EIF1B: variants seen among roughly 807,000 people sequenced by gnomAD.
EIF1B encodes eukaryotic translation initiation factor 1B.
EIF1B carries 5 observed loss-of-function variants against 14.8 expected under a neutral mutation model. The observed-to-expected ratio is 0.34, with a 90% CI of 0.18 to 0.71. The LOEUF is 0.71. Among genes scored for constraint, EIF1B ranks in the 30% least tolerant of loss-of-function variants. The pLI, the probability that EIF1B is intolerant of heterozygous loss-of-function variation, is 0.64. For missense variants in EIF1B, 56 were observed against 134.0 expected (o/e 0.42, Z 2.87); for synonymous variants, 45 against 45.8 (o/e 0.98, Z 0.07).
chr3:40,311,680 A>G (rs1289715849), intron 3 of EIF1B, 109 bp downstream of exon 3: 1 of 888,908 alleles, frequency 1.1e-6, no homozygotes, highest in African/African-American at 1.7e-5. Flanking sequence ...AATGAAGGAA[A>G]TTAGGTGAAA....
chr3:40,311,447 T>A, intron 2 of EIF1B, 23 bp from the exon 3 acceptor site: 1 of 1,562,096 alleles, frequency 6.4e-7, no homozygotes, highest in South Asian at 1.1e-5. Flanking sequence ...TAAATTTTGT[T>A]GTATATTTAT....
chr3:40,311,102 C>T (rs1398562417), intron 2 of EIF1B, 46 bp downstream of exon 2: 4 of 1,565,800 alleles, frequency 2.6e-6, no homozygotes, highest in Non-Finnish European at 3.5e-6. Flanking sequence ...ATGCACACCT[C>T]TGAACTGGAT....
chr3:40,311,357 CTG>C (rs1175805766), intron 2 of EIF1B, 111 bp from the exon 3 acceptor site: 1 of 735,336 alleles, frequency 1.4e-6, no homozygotes, highest in Admixed American at 3.1e-5. Context: ...GAGACAAAAT[CTG>C]TTTCTCTAAA....
Position 40,312,131 on chromosome 3 carries a change from A to G in EIF1B, c.*117A>G. On this transcript the variant is annotated 3_prime_UTR_variant, in exon 4 of 4. Transcript: ENST00000232905. ...GACTTTTCATTTATTTAATCATTCA[A>G]ACTTCCATTCACATCTGCATGATTA... The G allele has an allele frequency of 2.6e-6, 2 of 766,842 alleles. No homozygotes were observed. The highest frequency in any genetic ancestry group is 4.5e-6 in the Non-Finnish European group (2 of 440,996). The allele number at this position is 766,842 out of a possible 1,614,324, so 47.5% of individuals were successfully genotyped here. A position where few individuals can be genotyped will look rare whatever the true frequency, so the allele number is the denominator to read the frequency against.
rs1279248984 is a variant in EIF1B at position 40,309,716 on chromosome 3, C to T, written c.-226C>T. ...ATCGGCCATTTTGTGCGAGAAGCCG[C>T]AGCGCCGCCTCTTCTCTCGCGCCCT... On this transcript the variant is annotated 5_prime_UTR_variant, in exon 1 of 4. Transcript: ENST00000232905. 3.5e-6 allele frequency: 2 copies of T among 575,466 alleles called. No individual in the cohort carries two copies. Among genetic ancestry groups the T allele is most frequent in the South Asian group, 2.2e-5 (1 of 45,366 alleles). The allele number at this position is 575,466 out of a possible 1,614,324, so 35.6% of individuals were successfully genotyped here.
intron 3 of EIF1B, 50 bp downstream of exon 3, chr3:40,311,621 G>A: frequency 7.2e-7 from 1 of 1,379,758 alleles, no homozygotes; most frequent in Non-Finnish European, 1.0e-6. Context: ...TTTTAAAATT[G>A]TATTTAAAGG....
At position 40,309,755 on chromosome 3, in the gene EIF1B, G is replaced by A; in HGVS notation, c.-187G>A. ...CTCTCGCGCCCTCGCCTCTTCCTCC[G>A]CCTCCTCCTTCGCCTCTTCCTGCCT... On this transcript the variant is annotated 5_prime_UTR_variant, in exon 1 of 4. Transcript: ENST00000232905. 1 of 630,590 alleles carries A rather than the reference G, an allele frequency of 1.6e-6. No individual in the cohort carries two copies. The highest frequency in any genetic ancestry group is 2.7e-6 in the Non-Finnish European group (1 of 364,578). 39.1% of individuals were successfully genotyped at this position (630,590 alleles called of 1,614,324 possible). A position where few individuals can be genotyped will look rare whatever the true frequency, so the allele number is the denominator to read the frequency against.
chr3:40,311,884 A>T (rs1954330385), intron 3 of EIF1B, 86 bp from the exon 4 acceptor site: 1 of 1,084,958 alleles, frequency 9.2e-7, no homozygotes, highest in Non-Finnish European at 1.4e-6. Flanking sequence ...GTTGATAGTG[A>T]TTCTTTTTAA....
Position 40,309,750 on chromosome 3 carries a change from C to CT in EIF1B, c.-192_-191insT. ...CTCTTCTCTCGCGCCCTCGCCTCTT[C>CT]CTCCGCCTCCTCCTTCGCCTCTTCC... On this transcript the variant is annotated 5_prime_UTR_variant, in exon 1 of 4. Coordinates refer to ENST00000232905, the MANE Select transcript of EIF1B (RefSeq NM_005875.3). 1 of 623,620 alleles carries CT rather than the reference C, an allele frequency of 1.6e-6. No homozygotes were observed. The highest frequency in any genetic ancestry group is 2.8e-6 in the Non-Finnish European group (1 of 359,172). The allele number at this position is 623,620 out of a possible 1,614,324, so 38.6% of individuals were successfully genotyped here. A position where few individuals can be genotyped will look rare whatever the true frequency, so the allele number is the denominator to read the frequency against.
chr3:40,309,807 C>T lies in EIF1B; in HGVS notation c.-135C>T, dbSNP rs1260885590. 9.2e-7 allele frequency: 1 copy of T among 1,082,168 alleles called. No homozygotes were observed. Among genetic ancestry groups the T allele is most frequent in the East Asian group, 2.4e-5 (1 of 40,826 alleles). 67.0% of individuals were successfully genotyped at this position (1,082,168 alleles called of 1,614,324 possible). On this transcript the variant is annotated 5_prime_UTR_variant, in exon 1 of 4. Transcript: ENST00000232905. ...CTCCCGGCTTCCGCCGCCGCCACTC[C>T]AGCCTAATCCCAACCCCAGGGCGAA...
intron 1 of EIF1B, 122 bp from the exon 2 acceptor site, chr3:40,310,771 C>A: frequency 9.2e-7 from 1 of 1,090,944 alleles, no homozygotes; most frequent in Non-Finnish European, 1.3e-6. Context: ...GCAAAAACAG[C>A]AAAGGCACTA....
At position 40,309,785 on chromosome 3, in the gene EIF1B, C is replaced by T. The variant is rs1359078463; in HGVS notation, c.-157C>T. The T allele has an allele frequency of 2.4e-6, 2 of 830,346 alleles. No homozygotes were observed. Among genetic ancestry groups the T allele is most frequent in the Non-Finnish European group, 1.9e-6 (1 of 522,712 alleles). The allele number at this position is 830,346 out of a possible 1,614,324, so 51.4% of individuals were successfully genotyped here. On this transcript the variant is annotated 5_prime_UTR_variant, in exon 1 of 4. Transcript: ENST00000232905. ...CTCCTTCGCCTCTTCCTGCCTCCTC[C>T]CGGCTTCCGCCGCCGCCACTCCAGC... is the stretch of plus-strand genomic sequence containing the variant.
Position 40,311,579 on chromosome 3 carries a change from A to T in EIF1B, c.297+8A>T, listed in dbSNP as rs563234796. ...TGCCAGTTTCTCTTGGAGGTGAGTG[A>T]TTGGGTGCTTTATGTGTAACCTTGA... On this transcript the variant is annotated splice_region_variant and intron_variant, in intron 3 of 3. Transcript: ENST00000232905. 6.2e-7 allele frequency: 1 copy of T among 1,605,304 alleles called. No homozygotes were observed. Among genetic ancestry groups the T allele is most frequent in the Admixed American group, 1.7e-5 (1 of 59,800 alleles).
chr3:40,309,745 C>T lies in EIF1B; in HGVS notation c.-197C>T, dbSNP rs1040775048. On this transcript the variant is annotated 5_prime_UTR_variant, in exon 1 of 4. Coordinates refer to ENST00000232905, the MANE Select transcript of EIF1B (RefSeq NM_005875.3). The stretch of plus-strand genomic sequence containing the variant: ...GCCGCCTCTTCTCTCGCGCCCTCGC[C>T]TCTTCCTCCGCCTCCTCCTTCGCCT... 9 of 612,784 alleles carry T rather than the reference C, an allele frequency of 1.5e-5. No homozygotes were observed. The highest frequency in any genetic ancestry group is 2.0e-5 in the Non-Finnish European group (7 of 351,714). The allele number at this position is 612,784 out of a possible 1,614,324, so 38.0% of individuals were successfully genotyped here. A position where few individuals can be genotyped will look rare whatever the true frequency, so the allele number is the denominator to read the frequency against.
At chr3:40,310,390 C>T (rs1954309523) in intron 1 of EIF1B, among the ~76,000 whole-genome samples, 1 of 152,206 alleles carries the variant, frequency 6.6e-6, no homozygotes, top group African/African-American at 2.4e-5. Context: ...GGATGCAAGC[C>T]TCTGATCTGT....
At chr3:40,310,325 C>T (rs1378534546) in intron 1 of EIF1B, among the ~76,000 whole-genome samples, 1 of 152,222 alleles carries the variant, frequency 6.6e-6, no homozygotes, top group Non-Finnish European at 1.5e-5. Context: ...GCCAGGGAAA[C>T]CAGGGATCGG....
intron 1 of EIF1B, 74 bp from the exon 2 acceptor site, chr3:40,310,819 T>G: frequency 1.4e-6 from 2 of 1,431,756 alleles, no homozygotes; most frequent in Non-Finnish European, 1.9e-6. Flanking sequence ...GGTAGTATAA[T>G]GTATTTCTGG....
chr3:40,311,120 C>G (rs1377247488), intron 2 of EIF1B, 64 bp downstream of exon 2: 44 of 1,473,748 alleles, frequency 3.0e-5, no homozygotes, highest in Non-Finnish European at 3.6e-5. Flanking sequence ...GATTATGATT[C>G]ACACCTTTAT....
rs1255522132 is a variant in EIF1B at position 40,309,889 on chromosome 3, C to T, written c.-53C>T. The T allele has an allele frequency of 4.4e-6, 7 of 1,600,372 alleles. No homozygotes were observed. Among genetic ancestry groups the T allele is most frequent in the Admixed American group, 1.7e-5 (1 of 59,986 alleles). On this transcript the variant is annotated 5_prime_UTR_variant, in exon 1 of 4. Transcript: ENST00000232905. ...ACTACAGCCTCCTGACAAGGTGATC[C>T]GGGCGGGCCCCGCAGGAATTTTATC...
Sources: gnomAD v4.1 joint callset for allele counts (sites outside exome capture counted in the v4.1 genomes callset) on GRCh38, gnomAD v4.1.1 for gene constraint, MANE v1.5 for transcripts, NCBI Gene and HGNC (gene_info 2026-07-23, HGNC 2026-07-21) for gene names.